Variants in MORC1 observed in about 807,000 individuals in gnomAD.
MORC1 encodes the protein MORC family CW-type zinc finger 1.
Under a neutral mutation model 134.9 loss-of-function variants are expected in MORC1, and 59 were observed. The ratio of observed to expected loss-of-function variants is 0.44; its 90% CI spans 0.35 to 0.54. The LOEUF (loss-of-function observed/expected upper bound fraction) is 0.54, where lower values mean the gene tolerates loss of function less well. Ranked by LOEUF, MORC1 falls within the 20% of genes least tolerant of loss-of-function variation. The probability of loss-of-function intolerance (pLI) is 0.00; values close to 1 mark genes in which losing one functional copy is unlikely to be tolerated. For synonymous variants in MORC1, 395 were observed against 391.7 expected (o/e 1.01, Z -0.10); for missense variants, 947 against 1,134.5 (o/e 0.83, Z 2.37).
At chr3:108,986,417 T>C (rs1347373080) in intron 22 of MORC1, among the ~76,000 whole-genome samples, 1 of 152,106 alleles carries the variant, frequency 6.6e-6, no homozygotes, top group African/African-American at 2.4e-5. Context: ...TTACATCCCC[T>C]GGGCATGAAA....
In MORC1 at chr3:109,035,487, G is replaced by C. The variant is rs1341855355; in HGVS notation, c.1331-19C>G. The C allele has an allele frequency of 2.2e-6, 3 of 1,355,140 alleles. No homozygotes were observed. The highest frequency in any genetic ancestry group is 3.0e-6 in the Non-Finnish European group (3 of 1,011,226). 83.9% of individuals were successfully genotyped at this position (1,355,140 alleles called of 1,614,324 possible). ...CTATTATCTTTTAAAAAAAAAAGCA[G>C]GCAAAGAATAACAAAAAAAAATCAT... On this transcript the variant is annotated intron_variant, in intron 14 of 27. Transcript: ENST00000232603.
At chr3:109,009,334 T>C (rs1948628652) in intron 17 of MORC1, among the ~76,000 whole-genome samples, 1 of 151,414 alleles carries the variant, frequency 6.6e-6, no homozygotes, top group South Asian at 2.1e-4. Flanking sequence ...GCCTCCCAAG[T>C]AGCTGGGACT....
chr3:109,002,568 C>A (rs1019455402), intron 20 of MORC1, among the ~76,000 whole-genome samples: 5 of 152,150 alleles, frequency 3.3e-5, no homozygotes, highest in African/African-American at 1.2e-4. Flanking sequence ...AGGCAAAAAA[C>A]CCAGCATAGG....
chr3:109,047,764 A>T (rs1370635925), intron 14 of MORC1, among the ~76,000 whole-genome samples: 1 of 152,186 alleles, frequency 6.6e-6, no homozygotes, highest in Non-Finnish European at 1.5e-5. Context: ...TATAGAGTTC[A>T]GTTGCTTCTG....
Position 109,004,858 on chromosome 3 carries a change from A to G in MORC1, c.2044T>C (p.Trp682Arg), listed in dbSNP as rs142577230. 74 of 1,613,746 alleles carry G rather than the reference A, an allele frequency of 4.6e-5. 1 individual carries two copies. Among genetic ancestry groups the G allele is most frequent in the South Asian group, 2.4e-4 (22 of 90,994 alleles). ...CACCCTTCAGTTGGTTGAGCTCTCC[A>G]GACAGTGGTAATATTAGCAATCTGA... ...RSQIANITTV[W>R]RAQPTEGCLK... Residue 682 changes from tryptophan to arginine, a missense_variant, in exon 20 of 28, where the codon TGG (tryptophan) becomes CGG (arginine). Transcript: ENST00000232603.
chr3:109,027,081 G>A (rs1302300371), intron 17 of MORC1, among the ~76,000 whole-genome samples: 6 of 152,156 alleles, frequency 3.9e-5, no homozygotes, highest in African/African-American at 1.4e-4. Flanking sequence ...CTATAGAAGT[G>A]TCCACACATT....
intron 17 of MORC1, among the ~76,000 whole-genome samples, chr3:109,021,754 G>A (rs1472495335): frequency 6.6e-6 from 1 of 152,184 alleles, no homozygotes; most frequent in Non-Finnish European, 1.5e-5. Flanking sequence ...GTTCCATCAG[G>A]AAGTATGATG....
chr3:109,040,499 A>AAAGG (rs1208076081), intron 14 of MORC1, among the ~76,000 whole-genome samples: 12 of 151,418 alleles, frequency 7.9e-5, no homozygotes, highest in South Asian at 2.1e-4. Context: ...GAAAGAAAAG[A>AAAGG]AAGGAAGGAA....
intron 25 of MORC1, among the ~76,000 whole-genome samples, chr3:108,970,917 T>G (rs2107392738): frequency 6.6e-6 from 1 of 152,316 alleles, no homozygotes; most frequent in South Asian, 2.1e-4. Context: ...CACAATTTTC[T>G]TCATCTATCT....
intron 24 of MORC1, among the ~76,000 whole-genome samples, chr3:108,974,763 T>C (rs957924705): frequency 1.3e-5 from 2 of 152,258 alleles, no homozygotes; most frequent in Admixed American, 1.3e-4. Flanking sequence ...TTGTTTAACA[T>C]TGTCTTTCTT....
chr3:109,061,510 A>G (rs537138979), intron 11 of MORC1, among the ~76,000 whole-genome samples: 1 of 152,330 alleles, frequency 6.6e-6, no homozygotes, highest in South Asian at 2.1e-4. Flanking sequence ...TCTTATTAAT[A>G]TTCATAATTA....
intron 8 of MORC1, among the ~76,000 whole-genome samples, chr3:109,093,071 T>C (rs979073407): frequency 2.6e-5 from 4 of 152,172 alleles, no homozygotes; most frequent in African/African-American, 9.7e-5. Context: ...ATCTACAAAT[T>C]AGGAGTCAAG....
chr3:109,040,427 G>GGAAGGAAGGAAGGAAAGAAAGAAA (rs1248788787), intron 14 of MORC1, among the ~76,000 whole-genome samples: 3 of 48,396 alleles, frequency 6.2e-5, no homozygotes, highest in Non-Finnish European at 8.3e-5. Flanking sequence ...AAGGAAGGAA[G>GGAAGGAAGGAAGGAAAGAAAGAAA]GAAAGAAAGA....
intron 2 of MORC1, among the ~76,000 whole-genome samples, chr3:109,114,102 T>G (rs370216682): frequency 1.9e-4 from 29 of 152,350 alleles, no homozygotes; most frequent in Non-Finnish European, 4.1e-4. Context: ...AAGTATACAC[T>G]GACATATAAT....
At chr3:108,984,666 A>G in intron 23 of MORC1, 50 bp downstream of exon 23, 3 of 1,293,244 alleles carry the variant, frequency 2.3e-6, no homozygotes, top group Non-Finnish European at 3.2e-6. Flanking sequence ...ATTACTTTTC[A>G]GCAGGATAAT....
intron 12 of MORC1, among the ~76,000 whole-genome samples, chr3:109,058,773 G>A (rs147919146): frequency 1.4e-3 from 217 of 151,940 alleles, no homozygotes; most frequent in Non-Finnish European, 1.5e-3. Flanking sequence ...GGTATTACAG[G>A]ATACGACATA....
intron 16 of MORC1, among the ~76,000 whole-genome samples, chr3:109,030,800 C>G (rs1018198800): frequency 6.6e-5 from 10 of 152,070 alleles, no homozygotes; most frequent in Non-Finnish European, 1.5e-4. Flanking sequence ...CTACAATCAG[C>G]AATAGCTTAT....
At chr3:108,975,629 T>C (rs1165259206) in intron 24 of MORC1, among the ~76,000 whole-genome samples, 1 of 152,164 alleles carries the variant, frequency 6.6e-6, no homozygotes, top group East Asian at 1.9e-4. Context: ...CATGTCTCAG[T>C]TTTCTCATCT....
rs1403717902 is a variant in MORC1 at position 109,007,027 on chromosome 3, A to T, written c.1767+2T>A. 1 of 1,607,348 alleles carries T rather than the reference A, an allele frequency of 6.2e-7. No individual in the cohort carries two copies. The highest frequency in any genetic ancestry group is 2.2e-5 in the East Asian group (1 of 44,784). The stretch of plus-strand genomic sequence containing the variant: ...TTGCTTAATCCTATATTAATTACTC[A>T]CCTTATGTGCTGAAGTTAGGCAGGT... On this transcript the variant is annotated splice_donor_variant, in intron 18 of 27. Transcript: ENST00000232603. LOFTEE classifies it high-confidence loss of function.
Sources: allele counts gnomAD v4.1 joint callset (sites outside exome capture counted in the v4.1 genomes callset), GRCh38; gene constraint gnomAD v4.1.1; transcripts MANE v1.5; gene names NCBI Gene and HGNC (gene_info 2026-07-23, HGNC 2026-07-21).